The following CTNND1 variants were observed in gnomAD, a reference collection of about 807,000 sequenced individuals.
CTNND1 encodes catenin delta 1, also known as catenin delta-1.
A neutral mutation model predicts 112.1 loss-of-function variants in CTNND1; 16 were observed. That is an observed-to-expected ratio of 0.14 (90% CI 0.10 to 0.22). CTNND1 has a LOEUF of 0.22. Among genes scored for constraint, CTNND1 ranks in the 10% least tolerant of loss-of-function variants. The pLI, the probability that CTNND1 is intolerant of heterozygous loss-of-function variation, is 1.00. For synonymous variants in CTNND1, 420 were observed against 446.5 expected (o/e 0.94, Z 0.75); for missense variants, 1,008 against 1,257.0 (o/e 0.80, Z 3.00).
intron 6 of CTNND1, among the ~76,000 whole-genome samples, chr11:57,801,386 C>G (rs2062006012): frequency 6.6e-6 from 1 of 152,158 alleles, no homozygotes; most frequent in African/African-American, 2.4e-5. Flanking sequence ...TCTACCTAGA[C>G]AAGTTAATAA....
chr11:57,775,531 CTCGCCTATTGGGAGGA>C (rs1954004304), intron 1 of CTNND1, among the ~76,000 whole-genome samples: 1 of 152,110 alleles, frequency 6.6e-6, no homozygotes, highest in Non-Finnish European at 1.5e-5. Context: ...GTATGGAGGA[CTCGCCTATTGGGAGGA>C]AGGGAAAACT....
At chr11:57,776,839 G>T (rs1317311874) in intron 1 of CTNND1, among the ~76,000 whole-genome samples, 1 of 152,106 alleles carries the variant, frequency 6.6e-6, no homozygotes, top group African/African-American at 2.4e-5. Flanking sequence ...CATCCTTTTG[G>T]ATTAGCAGCA....
At chr11:57,779,680 G>A (rs1591296581) in intron 1 of CTNND1, among the ~76,000 whole-genome samples, 1 of 152,302 alleles carries the variant, frequency 6.6e-6, no homozygotes, top group Middle Eastern at 3.4e-3. Context: ...TTGGCTTAGT[G>A]AGATGTCACA....
intron 8 of CTNND1, 124 bp downstream of exon 8, chr11:57,803,928 A>G (rs1312482373): frequency 1.5e-6 from 1 of 667,840 alleles, no homozygotes; most frequent in Non-Finnish European, 2.4e-6. Flanking sequence ...TCTGTATTGC[A>G]TACTGTAACT....
At chr11:57,787,625 G>A (rs982360104) in intron 1 of CTNND1, among the ~76,000 whole-genome samples, 5 of 152,158 alleles carry the variant, frequency 3.3e-5, no homozygotes, top group Non-Finnish European at 5.9e-5. Context: ...TTACAAGTGA[G>A]AATATGACAG....
At chr11:57,783,228 G>C (rs890608972) in intron 1 of CTNND1, among the ~76,000 whole-genome samples, 21 of 152,158 alleles carry the variant, frequency 1.4e-4, no homozygotes, top group African/African-American at 3.6e-4. Context: ...GGAGGTTGCA[G>C]TGAGCCGAGA....
intron 1 of CTNND1, among the ~76,000 whole-genome samples, chr11:57,768,843 T>C (rs1951804590): frequency 6.6e-6 from 1 of 152,160 alleles, no homozygotes; most frequent in Admixed American, 6.5e-5. Context: ...GAAATACATA[T>C]GTGTTAGATA....
intron 6 of CTNND1, among the ~76,000 whole-genome samples, chr11:57,800,797 CTCACAGATAATGGG>C (rs1446701903): frequency 3.9e-5 from 6 of 152,182 alleles, no homozygotes; most frequent in African/African-American, 1.4e-4. Context: ...AAGAGATGAG[CTCACAGATAATGGG>C]TTTCTTCCTT....
chr11:57,785,620 G>C (rs1447989316), intron 1 of CTNND1, among the ~76,000 whole-genome samples: 1 of 151,948 alleles, frequency 6.6e-6, no homozygotes, highest in Admixed American at 6.6e-5. Context: ...CATGATCTCG[G>C]CTCACTGCAA....
At chr11:57,806,205 A>T (rs541981353) in intron 10 of CTNND1, among the ~76,000 whole-genome samples, 170 bp downstream of exon 10, 1 of 143,252 alleles carries the variant, frequency 7.0e-6, no homozygotes, top group East Asian at 2.2e-4. Flanking sequence ...AGGTGTGGTG[A>T]TGGGATGGTG....
intron 1 of CTNND1, among the ~76,000 whole-genome samples, chr11:57,777,970 A>C (rs545134428): frequency 6.6e-6 from 1 of 152,302 alleles, no homozygotes; most frequent in South Asian, 2.1e-4. Flanking sequence ...TCTTGCAGTT[A>C]GTGGAGGACC....
intron 18 of CTNND1, among the ~76,000 whole-genome samples, chr11:57,814,835 C>T (rs1008139115): frequency 6.6e-5 from 10 of 152,176 alleles, no homozygotes; most frequent in Non-Finnish European, 1.2e-4. Flanking sequence ...TTTCCCTTGT[C>T]AGGTCCTTCC....
intron 12 of CTNND1, among the ~76,000 whole-genome samples, chr11:57,807,381 A>G (rs1394011992): frequency 2.0e-5 from 3 of 152,222 alleles, no homozygotes; most frequent in African/African-American, 4.8e-5. Flanking sequence ...CGAGGCGGGC[A>G]GATCACCTGA....
At chr11:57,785,644 G>C (rs1431180444) in intron 1 of CTNND1, among the ~76,000 whole-genome samples, 1 of 151,920 alleles carries the variant, frequency 6.6e-6, no homozygotes, top group Non-Finnish European at 1.5e-5. Context: ...CCGCCTCCCG[G>C]GTTCAAGTGA....
intron 10 of CTNND1, 41 bp from the exon 11 acceptor site, chr11:57,806,420 T>C (rs370474704): frequency 7.9e-5 from 124 of 1,570,048 alleles, no homozygotes; most frequent in Non-Finnish European, 1.0e-4. Flanking sequence ...TCTTATTTCA[T>C]TTCTCTTCTC....
At position 57,796,754 on chromosome 11, in the gene CTNND1, C is replaced by A; in HGVS notation, c.718C>A (p.Arg240=). 1 of 1,612,994 alleles carries A rather than the reference C, an allele frequency of 6.2e-7. No homozygotes were observed. Among genetic ancestry groups the A allele is most frequent in the East Asian group, 2.2e-5 (1 of 44,860 alleles). Residue 240 remains arginine (R), a synonymous_variant, in exon 6 of 21, where the codon CGG becomes AGG. Transcript: ENST00000399050. ...SLSRVTRIEE[R]YRPSMEGYRA... ...GTCCCGGGTGACCCGCATTGAGGAG[C>A]GGTATAGGCCCAGCATGGAAGGCTA...
chr11:57,762,144 GGA>G (rs1949979821), intron 1 of CTNND1, 25 bp downstream of exon 1: 21 of 966,008 alleles, frequency 2.2e-5, no homozygotes, highest in Non-Finnish European at 2.6e-5. Context: ...TTAAAAAACG[GGA>G]GAGTCTGTTA....
At chr11:57,763,500 T>C (rs1950313691) in intron 1 of CTNND1, among the ~76,000 whole-genome samples, 1 of 152,140 alleles carries the variant, frequency 6.6e-6, no homozygotes, top group African/African-American at 2.4e-5. Context: ...CCTTGTGAAG[T>C]TGTGGCTTCA....
At chr11:57,808,634 C>T (rs958328919) in intron 14 of CTNND1, 94 bp downstream of exon 14, 4 of 1,269,528 alleles carry the variant, frequency 3.2e-6, no homozygotes, top group Admixed American at 5.9e-5. Flanking sequence ...ATTGAAATGA[C>T]TGAAGGGAAG....
Sources: allele counts gnomAD v4.1 joint callset (sites outside exome capture counted in the v4.1 genomes callset), GRCh38; gene constraint gnomAD v4.1.1; transcripts MANE v1.5; gene names NCBI Gene and HGNC (gene_info 2026-07-23, HGNC 2026-07-21).